Variants in CNTN5 observed in about 807,000 individuals in gnomAD.
CNTN5 encodes contactin-5.
CNTN5 carries 77 observed loss-of-function variants against 129.1 expected under a neutral mutation model. The observed-to-expected ratio is 0.60, with a 90% CI of 0.50 to 0.72. The LOEUF is 0.72. CNTN5 is among the 30% of genes least tolerant of loss of function. The pLI is 0.00. For missense variants in CNTN5, 1,478 were observed against 1,328.8 expected (o/e 1.11, Z -1.75); for synonymous variants, 509 against 465.6 (o/e 1.09, Z -1.20).
intron 6 of CNTN5, 144 bp downstream of exon 6, chr11:99,845,406 T>C (rs1466805973): frequency 1.5e-5 from 6 of 404,564 alleles, no homozygotes; most frequent in Non-Finnish European, 2.3e-5. Flanking sequence ...GGAGTCTCGC[T>C]CTGTCGCCCA....
At chr11:99,803,288 G>T (rs960308026) in intron 3 of CNTN5, among the ~76,000 whole-genome samples, 2 of 152,198 alleles carry the variant, frequency 1.3e-5, no homozygotes, top group Non-Finnish European at 2.9e-5. Flanking sequence ...TCACCGAGCT[G>T]GCCCTGGCTG....
At chr11:99,038,040 C>G (rs1030739807) in intron 1 of CNTN5, among the ~76,000 whole-genome samples, 1 of 151,936 alleles carries the variant, frequency 6.6e-6, no homozygotes, top group Non-Finnish European at 1.5e-5. Context: ...TTAATACATT[C>G]TGCTCTAAAT....
At chr11:99,518,910 A>G (rs1419376152) in intron 2 of CNTN5, among the ~76,000 whole-genome samples, 1 of 152,112 alleles carries the variant, frequency 6.6e-6, no homozygotes, top group African/African-American at 2.4e-5. Flanking sequence ...AACTAATTGT[A>G]TTAAATGCAT....
intron 17 of CNTN5, among the ~76,000 whole-genome samples, chr11:100,267,108 C>T (rs1950319346): frequency 1.3e-5 from 2 of 151,976 alleles, no homozygotes; most frequent in Admixed American, 1.3e-4. Context: ...AGTACTATGG[C>T]AGGGTCAGTG....
At chr11:99,884,989 A>G (rs1031007749) in intron 6 of CNTN5, among the ~76,000 whole-genome samples, 1 of 152,062 alleles carries the variant, frequency 6.6e-6, no homozygotes, top group Non-Finnish European at 1.5e-5. Flanking sequence ...AACAAACAAA[A>G]CAGGGAGAAA....
At chr11:99,986,190 G>T (rs1282348780) in intron 8 of CNTN5, among the ~76,000 whole-genome samples, 1 of 151,906 alleles carries the variant, frequency 6.6e-6, no homozygotes, top group Non-Finnish European at 1.5e-5. Flanking sequence ...GTCACTTATT[G>T]TAAACTTTCT....
intron 3 of CNTN5, among the ~76,000 whole-genome samples, chr11:99,613,807 T>G (rs1382095886): frequency 2.0e-5 from 3 of 152,208 alleles, no homozygotes; most frequent in African/African-American, 7.2e-5. Flanking sequence ...GTTTGTCAGA[T>G]GAAATAAAAT....
intron 10 of CNTN5, among the ~76,000 whole-genome samples, chr11:100,066,452 G>T (rs1462897902): frequency 6.6e-6 from 1 of 152,096 alleles, no homozygotes; most frequent in African/African-American, 2.4e-5. Flanking sequence ...GAGAGTTACA[G>T]AATTTCTAAT....
At chr11:99,162,657 A>G (rs1193991507) in intron 1 of CNTN5, among the ~76,000 whole-genome samples, 1 of 152,224 alleles carries the variant, frequency 6.6e-6, no homozygotes, top group Non-Finnish European at 1.5e-5. Flanking sequence ...AAGAGAAGCT[A>G]AGAACATCAA....
At chr11:99,037,382 A>T (rs191994802) in intron 1 of CNTN5, among the ~76,000 whole-genome samples, 2 of 152,070 alleles carry the variant, frequency 1.3e-5, no homozygotes, top group Non-Finnish European at 2.9e-5. Context: ...GCAGTGTTCC[A>T]TTAAGGAGTT....
chr11:100,008,807 A>G (rs1377567), intron 9 of CNTN5, among the ~76,000 whole-genome samples: 29,568 of 151,930 alleles, frequency 0.19, 2,972 homozygotes, highest in Middle Eastern at 0.23. Context: ...ACATGATCTA[A>G]TGAATCTTCG....
intron 3 of CNTN5, among the ~76,000 whole-genome samples, chr11:99,784,689 A>G (rs1945447667): frequency 6.6e-6 from 1 of 152,026 alleles, no homozygotes; most frequent in Non-Finnish European, 1.5e-5. Context: ...CACTCCCACC[A>G]ACAGTGTAAA....
chr11:99,888,186 C>T (rs1434761038), intron 6 of CNTN5, among the ~76,000 whole-genome samples: 1 of 152,122 alleles, frequency 6.6e-6, no homozygotes, highest in Non-Finnish European at 1.5e-5. Flanking sequence ...TCGTTCCATG[C>T]ACTTATCTGT....
intron 1 of CNTN5, among the ~76,000 whole-genome samples, chr11:99,173,183 C>T (rs61578413): frequency 0.032 from 4,924 of 152,210 alleles, 171 homozygotes; most frequent in African/African-American, 0.091. Flanking sequence ...TTATGGGAGT[C>T]ACAAGATGAG....
At chr11:99,049,257 C>A (rs781202257) in intron 1 of CNTN5, among the ~76,000 whole-genome samples, 1 of 152,094 alleles carries the variant, frequency 6.6e-6, no homozygotes, top group African/African-American at 2.4e-5. Context: ...GAGCAATTGA[C>A]GTAATTGTAG....
chr11:99,416,917 G>C (rs76206776), intron 2 of CNTN5, among the ~76,000 whole-genome samples: 3,441 of 152,210 alleles, frequency 0.023, 47 homozygotes, highest in South Asian at 0.041. Context: ...CTCATATCAG[G>C]ACTCCACAAC....
At chr11:99,377,681 T>A (rs1049090801) in intron 2 of CNTN5, among the ~76,000 whole-genome samples, 1 of 152,144 alleles carries the variant, frequency 6.6e-6, no homozygotes, top group African/African-American at 2.4e-5. Flanking sequence ...TTGGCAGTAA[T>A]AACTGTAGTG....
chr11:99,790,010 T>C (rs1015297354), intron 3 of CNTN5, among the ~76,000 whole-genome samples: 1 of 150,902 alleles, frequency 6.6e-6, no homozygotes, highest in South Asian at 2.1e-4. Flanking sequence ...CTCCCACTTA[T>C]AAGTAAGAAA....
chr11:99,913,488 A>C (rs1565671100), intron 6 of CNTN5, among the ~76,000 whole-genome samples: 1 of 152,136 alleles, frequency 6.6e-6, no homozygotes, highest in Non-Finnish European at 1.5e-5. Flanking sequence ...AAATCTATTT[A>C]TCTTTGGGCT....
Sources: allele counts gnomAD v4.1 joint callset (sites outside exome capture counted in the v4.1 genomes callset), GRCh38; gene constraint gnomAD v4.1.1; transcripts MANE v1.5; gene names NCBI Gene and HGNC (gene_info 2026-07-23, HGNC 2026-07-21).